Variants in NRXN3 observed in about 807,000 individuals in gnomAD.
NRXN3 encodes neurexin III.
NRXN3 carries 32 observed loss-of-function variants against 137.6 expected under a neutral mutation model. The observed-to-expected ratio is 0.23, with a 90% confidence interval of 0.18 to 0.31. The LOEUF is 0.31. NRXN3 is among the 10% of genes least tolerant of loss of function. The pLI is 1.00. For synonymous variants in NRXN3, 798 were observed against 784.5 expected (o/e 1.02, Z -0.29); for missense variants, 1,574 against 2,062.5 (o/e 0.76, Z 4.59).
chr14:79,659,709 C>A (rs1406655572), intron 16 of NRXN3, among the ~76,000 whole-genome samples: 1 of 151,266 alleles, frequency 6.6e-6, no homozygotes, highest in Non-Finnish European at 1.5e-5. Context: ...TCAGAGGTAA[C>A]AACTGGCCCC....
intron 6 of NRXN3, among the ~76,000 whole-genome samples, chr14:78,687,184 A>T (rs776836485): frequency 1.8e-4 from 27 of 152,214 alleles, no homozygotes; most frequent in Admixed American, 4.6e-4. Flanking sequence ...CAAGTTATAT[A>T]AAGCCTTTAA....
At chr14:79,107,821 T>C (rs561178147) in intron 15 of NRXN3, among the ~76,000 whole-genome samples, 7 of 152,250 alleles carry the variant, frequency 4.6e-5, no homozygotes, top group African/African-American at 1.4e-4. Flanking sequence ...AACAGAAATA[T>C]GTTTTAGGTT....
intron 15 of NRXN3, among the ~76,000 whole-genome samples, chr14:79,398,069 T>C (rs2095077577): frequency 6.6e-6 from 1 of 152,162 alleles, no homozygotes; most frequent in African/African-American, 2.4e-5. Context: ...TCCATCAGGG[T>C]TCACAGCAAT....
chr14:79,851,675 C>T (rs76565625), intron 20 of NRXN3, among the ~76,000 whole-genome samples: 4,118 of 152,120 alleles, frequency 0.027, 81 homozygotes, highest in Non-Finnish European at 0.043. Flanking sequence ...GTTTCCCAGT[C>T]CTTGGTTGAA....
intron 16 of NRXN3, among the ~76,000 whole-genome samples, chr14:79,637,377 G>A (rs756319291): frequency 1.3e-5 from 2 of 152,118 alleles, no homozygotes; most frequent in East Asian, 1.9e-4. Context: ...AGGAATGGAA[G>A]CCCCACCACA....
intron 19 of NRXN3, among the ~76,000 whole-genome samples, chr14:79,794,507 T>G (rs2140355891): frequency 6.6e-6 from 1 of 152,348 alleles, no homozygotes; most frequent in South Asian, 2.1e-4. Context: ...TGTGATAGGT[T>G]CTCCTGAATG....
intron 16 of NRXN3, among the ~76,000 whole-genome samples, chr14:79,602,690 A>G (rs2097940506): frequency 6.6e-6 from 1 of 152,064 alleles, no homozygotes; most frequent in Non-Finnish European, 1.5e-5. Context: ...AAAAGATCTA[A>G]CCAGTTCCTC....
chr14:78,987,974 T>TTC (rs1198367802), intron 14 of NRXN3, 48 bp from the exon 15 acceptor site: 5 of 1,577,342 alleles, frequency 3.2e-6, no homozygotes, highest in Non-Finnish European at 4.3e-6. Context: ...TTAACATTTC[T>TTC]TCTCTCTCTC....
chr14:78,987,764 C>T (rs564214520), intron 14 of NRXN3, among the ~76,000 whole-genome samples: 43 of 151,904 alleles, frequency 2.8e-4, no homozygotes, highest in Non-Finnish European at 3.4e-4. Flanking sequence ...CAAAGTCAAC[C>T]CGAAGGAGAA....
intron 16 of NRXN3, among the ~76,000 whole-genome samples, chr14:79,568,448 T>C (rs142016800): frequency 2.0e-5 from 3 of 152,328 alleles, no homozygotes; most frequent in African/African-American, 7.2e-5. Context: ...GATTATGGAC[T>C]ACATATTCCA....
chr14:79,620,001 T>C (rs887399690), intron 16 of NRXN3, among the ~76,000 whole-genome samples: 5 of 152,030 alleles, frequency 3.3e-5, no homozygotes, highest in African/African-American at 9.7e-5. Context: ...AAGAAGTTAT[T>C]GTCTTAAATA....
intron 16 of NRXN3, among the ~76,000 whole-genome samples, chr14:79,649,574 G>C (rs751773103): frequency 5.9e-5 from 9 of 152,038 alleles, no homozygotes; most frequent in Non-Finnish European, 1.2e-4. Context: ...AAAATTACTT[G>C]TCTGTGTTTG....
At chr14:79,664,796 C>T (rs2098550180) in intron 17 of NRXN3, among the ~76,000 whole-genome samples, 1 of 152,096 alleles carries the variant, frequency 6.6e-6, no homozygotes, top group African/African-American at 2.4e-5. Flanking sequence ...CAGCAAAGGG[C>T]CATTGTTCCA....
At chr14:79,279,980 C>G in intron 15 of NRXN3, 2 of 1,157,824 alleles carry the variant, frequency 1.7e-6, no homozygotes, top group Non-Finnish European at 2.1e-6. Context: ...GAAGCCGCGC[C>G]GGTCTTCCCC....
intron 4 of NRXN3, among the ~76,000 whole-genome samples, chr14:78,550,858 T>C (rs147758705): frequency 1.1e-3 from 160 of 152,276 alleles, no homozygotes; most frequent in African/African-American, 3.7e-3. Flanking sequence ...CATGCTGTTA[T>C]AAGAAATAAA....
intron 1 of NRXN3, among the ~76,000 whole-genome samples, chr14:78,171,195 G>C (rs2058687417): frequency 6.7e-6 from 1 of 149,132 alleles, no homozygotes; most frequent in African/African-American, 2.5e-5. Context: ...TTGAGGAATT[G>C]ACGTGTATGT....
At chr14:79,136,275 C>T (rs1247402397) in intron 15 of NRXN3, among the ~76,000 whole-genome samples, 1 of 152,202 alleles carries the variant, frequency 6.6e-6, no homozygotes, top group Non-Finnish European at 1.5e-5. Flanking sequence ...AAACAGGGCA[C>T]ACTTGCCTTT....
intron 15 of NRXN3, among the ~76,000 whole-genome samples, chr14:79,002,978 T>G (rs1448867920): frequency 6.6e-6 from 1 of 152,146 alleles, no homozygotes; most frequent in African/African-American, 2.4e-5. Flanking sequence ...ATTTATTTGT[T>G]TATTTTAGAA....
chr14:79,202,805 C>A (rs1459690965), intron 15 of NRXN3, among the ~76,000 whole-genome samples: 1 of 152,126 alleles, frequency 6.6e-6, no homozygotes, highest in Non-Finnish European at 1.5e-5. Flanking sequence ...GTTGGTTCCA[C>A]AATTTTTGCA....
Sources: gnomAD v4.1 joint callset for allele counts (sites outside exome capture counted in the v4.1 genomes callset) on GRCh38, gnomAD v4.1.1 for gene constraint, MANE v1.5 for transcripts, NCBI Gene and HGNC (gene_info 2026-07-23, HGNC 2026-07-21) for gene names.